TIMMDC1: variants seen among roughly 807,000 people sequenced by gnomAD.
TIMMDC1 encodes the protein translocase of inner mitochondrial membrane domain containing 1, also known as complex I assembly factor TIMMDC1, mitochondrial.
TIMMDC1 carries 25 observed loss-of-function variants against 32.6 expected under a neutral mutation model. That is an observed-to-expected ratio of 0.77 (90% CI 0.56 to 1.07). TIMMDC1 has a LOEUF of 1.07. Among genes scored for constraint, TIMMDC1 ranks in the 50% least tolerant of loss-of-function variants. TIMMDC1 has a pLI of 0.00. For synonymous variants in TIMMDC1, 130 were observed against 127.6 expected (o/e 1.02, Z -0.13); for missense variants, 329 against 349.2 (o/e 0.94, Z 0.46).
intron 6 of TIMMDC1, among the ~76,000 whole-genome samples, chr3:119,522,547 C>T (rs1216643643): frequency 1.3e-5 from 2 of 152,008 alleles, no homozygotes; most frequent in Admixed American, 6.6e-5. Flanking sequence ...TTTCAAGTAG[C>T]TGGAAGAGAG....
intron 4 of TIMMDC1, among the ~76,000 whole-genome samples, chr3:119,512,755 T>G (rs2081962415): frequency 6.6e-6 from 1 of 152,208 alleles, no homozygotes; most frequent in African/African-American, 2.4e-5. Flanking sequence ...ATTTATTTTG[T>G]TTTTTGAGAC....
chr3:119,508,548 T>C (rs973193602), intron 4 of TIMMDC1, among the ~76,000 whole-genome samples: 11 of 152,344 alleles, frequency 7.2e-5, no homozygotes, highest in African/African-American at 2.6e-4. Flanking sequence ...CCTTTCCTTT[T>C]TGCCCCACAT....
chr3:119,501,845 T>G (rs2081878185), intron 2 of TIMMDC1, among the ~76,000 whole-genome samples: 1 of 152,158 alleles, frequency 6.6e-6, no homozygotes. Context: ...ATGGGTGATT[T>G]ATTTTGTAGA....
intron 4 of TIMMDC1, 88 bp downstream of exon 4, chr3:119,504,109 TTTGG>T: frequency 2.0e-6 from 2 of 993,636 alleles, no homozygotes; most frequent in Non-Finnish European, 1.6e-6. Context: ...TACTGAATTC[TTTGG>T]TTGGCTTCCC....
rs1452294509 is a variant in TIMMDC1, at chr3:119,507,550, C to CTT, written c.517+3530_517+3531insTT. The stretch of plus-strand genomic sequence containing the variant: ...TATATTGCCCATCTATTCTTGCATG[C>CTT]TATCTACTTTATCCATTAGAGCCCT... On this transcript the variant is annotated intron_variant, in intron 4 of 6. Coordinates refer to ENST00000494664, the MANE Select transcript of TIMMDC1 (RefSeq NM_016589.4). Among the ~76,000 whole-genome samples, 3 of 152,170 alleles carry CTT rather than the reference C, an allele frequency of 2.0e-5. No individual in the cohort carries two copies. In the East Asian group the frequency reaches 5.8e-4, roughly 29 times the overall value.
intron 2 of TIMMDC1, 110 bp from the exon 3 acceptor site, chr3:119,503,422 C>G (rs753379425): frequency 1.5e-6 from 1 of 683,424 alleles, no homozygotes; most frequent in Admixed American, 3.5e-5. Context: ...GTATTTCTAT[C>G]TGTTTGGGTG....
chr3:119,514,296 T>G (rs2081972250), intron 5 of TIMMDC1, among the ~76,000 whole-genome samples: 1 of 152,222 alleles, frequency 6.6e-6, no homozygotes, highest in Non-Finnish European at 1.5e-5. Flanking sequence ...ATTTTCCATA[T>G]CTATGTATAT....
chr3:119,515,612 T>C (rs1385803674), intron 5 of TIMMDC1, among the ~76,000 whole-genome samples: 1 of 152,220 alleles, frequency 6.6e-6, no homozygotes, highest in Non-Finnish European at 1.5e-5. Context: ...GGGGACCACT[T>C]TAGAATTCTG....
rs564805299 is a variant in TIMMDC1 at position 119,513,027 on chromosome 3, C to T, written c.518-614C>T. Among the ~76,000 whole-genome samples the T allele has an allele frequency of 2.0e-5, 3 of 152,344 alleles. No individual in the cohort carries two copies. In the South Asian group the frequency reaches 6.2e-4, roughly 32 times the overall value. Reference sequence around the variant, plus strand: ...AAGTGTTGGGATTACAGGTGTGAGCCATTGCACCTGGCTTCAAATGTTATT... The same window carrying T: ...AAGTGTTGGGATTACAGGTGTGAGCTATTGCACCTGGCTTCAAATGTTATT... On this transcript the variant is annotated intron_variant, in intron 4 of 6. Transcript: ENST00000494664.
intron 5 of TIMMDC1, among the ~76,000 whole-genome samples, chr3:119,515,306 C>G (rs1257855389): frequency 6.6e-6 from 1 of 152,082 alleles, no homozygotes; most frequent in Non-Finnish European, 1.5e-5. Flanking sequence ...GTCAGCCAGA[C>G]TATTCTCTGT....
chr3:119,523,411 T>G lies in TIMMDC1; in HGVS notation c.708-195T>G, dbSNP rs3814397. 6.2e-3 allele frequency among the ~76,000 whole-genome samples: 938 copies of G among 152,314 alleles called. 44 individuals carry two copies. In the East Asian group the frequency reaches 0.12, roughly 20 times the overall value. On this transcript the variant is annotated intron_variant, in intron 6 of 6. Coordinates refer to ENST00000494664, the MANE Select transcript of TIMMDC1 (RefSeq NM_016589.4). ...CACAACGGTATCCATTATGGTAATG[T>G]GGAAATCATAATTGGCTTGTGAGGT...
At chr3:119,503,857 C>G (rs1208186102) in intron 3 of TIMMDC1, 97 bp from the exon 4 acceptor site, 1 of 1,107,656 alleles carries the variant, frequency 9.0e-7, no homozygotes, top group Admixed American at 2.1e-5. Flanking sequence ...ATATAGTAGG[C>G]TTTTCTAAAT....
intron 4 of TIMMDC1, among the ~76,000 whole-genome samples, chr3:119,510,542 T>C (rs1577098981): frequency 6.6e-6 from 1 of 151,840 alleles, no homozygotes; most frequent in East Asian, 1.9e-4. Flanking sequence ...AATTAAAATC[T>C]GTATAAAGTT....
chr3:119,513,118 G>A (rs1262823828), intron 4 of TIMMDC1, among the ~76,000 whole-genome samples: 6 of 152,180 alleles, frequency 3.9e-5, no homozygotes. Flanking sequence ...GAAAATGAAT[G>A]AGCATGATTG....
At chr3:119,519,489 T>TAA (rs35291489) in intron 6 of TIMMDC1, among the ~76,000 whole-genome samples, 5 of 151,598 alleles carry the variant, frequency 3.3e-5, no homozygotes, top group African/African-American at 9.7e-5. Context: ...AGGCTTTAAA[T>TAA]AAAAAACTAT....
chr3:119,499,371 A>G (rs1197150196), intron 1 of TIMMDC1, among the ~76,000 whole-genome samples: 1 of 146,772 alleles, frequency 6.8e-6, no homozygotes, highest in African/African-American at 2.5e-5. Flanking sequence ...AAGTGCTGGG[A>G]TTACAGGCGT....
chr3:119,522,804 TTGTGTGTG>T lies in TIMMDC1; in HGVS notation c.708-777_708-770del, dbSNP rs71156752. 7.0e-3 allele frequency among the ~76,000 whole-genome samples: 1,044 copies of T among 148,736 alleles called. 13 individuals are homozygous for T. Among genetic ancestry groups the T allele is most frequent in the African/African-American group, 0.022 (910 of 41,012 alleles). ...GTATAGCATATACACGTATGGGTGTTTGTGTGTGTGTGTGTGTGTGTGTGTGTGTGTGA... is the reference window on the plus strand; with the variant it reads ...GTATAGCATATACACGTATGGGTGTTTGTGTGTGTGTGTGTGTGTGTGTGA... On this transcript the variant is annotated intron_variant, in intron 6 of 6. Transcript: ENST00000494664.
At position 119,498,812 on chromosome 3, in the gene TIMMDC1, G is replaced by T; in HGVS notation, c.79G>T (p.Ala27Ser). The change falls in exon 1 of 7, where the codon GCT (alanine) becomes TCT (serine). Residue 27 changes from alanine to serine, a missense_variant. Coordinates refer to ENST00000494664, the MANE Select transcript of TIMMDC1 (RefSeq NM_016589.4). ...ATTTCCCCGAGTCTTTGCTGCCGAA[G>T]CTGTGACTGCCGATTCGGAAGTCCT... Reference protein sequence around the residue: ...CLFPRVFAAEAVTADSEVLEE... With the variant: ...CLFPRVFAAESVTADSEVLEE... 1 of 1,614,240 alleles carries T rather than the reference G, an allele frequency of 6.2e-7. No individual in the cohort carries two copies. The highest frequency in any genetic ancestry group is 1.1e-5 in the South Asian group (1 of 91,086).
Position 119,498,877 on chromosome 3 carries a change from C to A in TIMMDC1, c.144C>A (p.Pro48=), listed in dbSNP as rs150137132. Residue 48 remains proline (P), a synonymous_variant, in exon 1 of 7, where the codon CCC becomes CCA. Coordinates refer to ENST00000494664, the MANE Select transcript of TIMMDC1 (RefSeq NM_016589.4). ...RQKRLPYVPE[P]YYPESGWDRL... Reference sequence around the variant, plus strand: ...AGCGGCTTCCCTACGTCCCAGAGCCCTATTACCCGGAATCTGGATGGGACC... The same window carrying A: ...AGCGGCTTCCCTACGTCCCAGAGCCATATTACCCGGAATCTGGATGGGACC... 6.2e-7 allele frequency: 1 copy of A among 1,614,002 alleles called. No individual in the cohort carries two copies. Among genetic ancestry groups the A allele is most frequent in the Admixed American group, 1.7e-5 (1 of 60,026 alleles).
Sources: gnomAD v4.1 joint callset for allele counts (sites outside exome capture counted in the v4.1 genomes callset) on GRCh38, gnomAD v4.1.1 for gene constraint, MANE v1.5 for transcripts, NCBI Gene and HGNC (gene_info 2026-07-23, HGNC 2026-07-21) for gene names.